RNF144A: variants seen among roughly 807,000 people sequenced by gnomAD.
The protein encoded by RNF144A is ring finger protein 144A, also known as E3 ubiquitin-protein ligase RNF144A.
RNF144A carries 11 observed loss-of-function variants against 38.7 expected under a neutral mutation model. The ratio of observed to expected loss-of-function variants is 0.28; its 90% CI spans 0.18 to 0.47. The LOEUF (loss-of-function observed/expected upper bound fraction) is 0.47, where lower values mean the gene tolerates loss of function less well. RNF144A is among the 20% of genes least tolerant of loss of function. The pLI is 0.99. For synonymous variants in RNF144A, 149 were observed against 143.9 expected, an observed-to-expected ratio of 1.04 and a Z score of -0.25; for missense variants, 316 against 377.2, an observed-to-expected ratio of 0.84 and a Z score of 1.34.
At chr2:7,056,464 A>G (rs1013240529) in intron 6 of RNF144A, among the ~76,000 whole-genome samples, 2 of 152,044 alleles carry the variant, frequency 1.3e-5, no homozygotes, top group African/African-American at 4.8e-5. Flanking sequence ...CCCCAAATTC[A>G]TATGTCAATG....
At chr2:6,924,333 A>G (rs1664729378) in intron 1 of RNF144A, among the ~76,000 whole-genome samples, 1 of 152,274 alleles carries the variant, frequency 6.6e-6, no homozygotes, top group Non-Finnish European at 1.5e-5. Flanking sequence ...ATGCACGGGA[A>G]GCATAGGACG....
At chr2:7,032,871 C>T (rs181934536) in intron 8 of RNF144A, among the ~76,000 whole-genome samples, 732 of 152,358 alleles carry the variant, frequency 4.8e-3, no homozygotes, top group Non-Finnish European at 7.6e-3. Flanking sequence ...CCCCTCCCCA[C>T]GCAGCATAGA....
At chr2:7,027,631 G>T (rs1281268395) in intron 7 of RNF144A, among the ~76,000 whole-genome samples, 3 of 152,218 alleles carry the variant, frequency 2.0e-5, no homozygotes, top group Non-Finnish European at 4.4e-5. Context: ...TGGGGCATTG[G>T]CTCTTTCACC....
intron 2 of RNF144A, among the ~76,000 whole-genome samples, chr2:6,971,991 C>T (rs1304062719): frequency 6.6e-6 from 1 of 152,072 alleles, no homozygotes; most frequent in African/African-American, 2.4e-5. Flanking sequence ...AATGGAGATC[C>T]TTGGAAGGGG....
Position 6,919,970 on chromosome 2 carries a change from G to A in RNF144A, c.-212+2348G>A, listed in dbSNP as rs964573122. 5.3e-5 allele frequency among the ~76,000 whole-genome samples: 8 copies of A among 152,284 alleles called. 1 individual carries two copies. Among genetic ancestry groups the A allele is most frequent in the Middle Eastern group, 3.4e-3 (1 of 294 alleles). ...TCCAGTGCCCTCAGCTTGCTAGTTGGTAATCCCTGTATCCAGACTGTTGCT... is the reference window on the plus strand; with the variant it reads ...TCCAGTGCCCTCAGCTTGCTAGTTGATAATCCCTGTATCCAGACTGTTGCT... On this transcript the variant is annotated intron_variant, in intron 1 of 8. Coordinates refer to ENST00000320892, the MANE Select transcript of RNF144A (RefSeq NM_014746.6).
chr2:7,032,345 G>GGAATCCGCGCCCCTTGCAGCTCTGCTC (rs1256493676), intron 8 of RNF144A, among the ~76,000 whole-genome samples: 34,467 of 135,178 alleles, frequency 0.25, 4,967 homozygotes, highest in East Asian at 0.49. Context: ...CAGCTCTGCT[G>GGAATCCGCGCCCCTTGCAGCTCTGCTC]GAATCCGCGC....
intron 3 of RNF144A, among the ~76,000 whole-genome samples, chr2:7,009,371 G>T (rs917482127): frequency 5.9e-5 from 9 of 152,268 alleles, no homozygotes; most frequent in African/African-American, 2.2e-4. Context: ...GGAGCAGCAC[G>T]CCGATCATGA....
At chr2:6,963,472 TA>T (rs1667469351) in intron 2 of RNF144A, among the ~76,000 whole-genome samples, 1 of 152,184 alleles carries the variant, frequency 6.6e-6, no homozygotes, top group Admixed American at 6.5e-5. Context: ...TTTTCTAAGT[TA>T]AACCACCTTT....
rs180719351 is a variant in RNF144A, at chr2:6,920,804, G to T, written c.-212+3182G>T. Among the ~76,000 whole-genome samples, 39 of 152,326 alleles carry T rather than the reference G, an allele frequency of 2.6e-4. 2 individuals are homozygous for T. The highest frequency in any genetic ancestry group is 2.4e-3 in the Admixed American group (37 of 15,302). On this transcript the variant is annotated intron_variant, in intron 1 of 8. Coordinates refer to ENST00000320892, the MANE Select transcript of RNF144A (RefSeq NM_014746.6). ...GAATACCCTTTCTTAGTTAGATGAA[G>T]AAATTAAATTGAAGCCACTGCTCAC... is the stretch of plus-strand genomic sequence containing the variant.
intron 6 of RNF144A, among the ~76,000 whole-genome samples, chr2:7,051,484 G>A (rs1230485734): frequency 6.6e-6 from 1 of 152,218 alleles, no homozygotes; most frequent in Non-Finnish European, 1.5e-5. Flanking sequence ...GAGCTTGGAT[G>A]CAGAGGATGA....
At chr2:7,037,541 C>T (rs568802300) in intron 8 of RNF144A, among the ~76,000 whole-genome samples, 4 of 152,336 alleles carry the variant, frequency 2.6e-5, no homozygotes, top group Admixed American at 6.5e-5. Context: ...GTAGTTCCAC[C>T]GTTGATATGT....
chr2:6,954,172 T>C (rs1486804255), intron 2 of RNF144A, among the ~76,000 whole-genome samples: 2 of 152,178 alleles, frequency 1.3e-5, no homozygotes, highest in African/African-American at 4.8e-5. Context: ...TTAATCCATT[T>C]ATTTTTTATG....
the RNF144A span, among the ~76,000 whole-genome samples, chr2:7,073,603 C>T: frequency 9.2e-5 from 14 of 152,256 alleles, no homozygotes; most frequent in African/African-American, 3.1e-4. Flanking sequence ...TGGAGGAACC[C>T]GATGCCTGGC....
At chr2:7,062,497 T>TAAAAAAAAAAA (rs70942688) in intron 6 of RNF144A, among the ~76,000 whole-genome samples, 6 of 113,440 alleles carry the variant, frequency 5.3e-5, no homozygotes, top group East Asian at 4.8e-4. Flanking sequence ...TGCTGGGTGC[T>TAAAAAAAAAAA]AAAAAAAAAA....
intron 2 of RNF144A, among the ~76,000 whole-genome samples, chr2:6,957,587 G>T (rs909861185): frequency 6.6e-6 from 1 of 152,074 alleles, no homozygotes; most frequent in Non-Finnish European, 1.5e-5. Context: ...TACCCCGCAT[G>T]GTTTATCTCT....
downstream of RNF144A, among the ~76,000 whole-genome samples, chr2:7,045,715 A>G (rs1038398727): frequency 1.3e-5 from 2 of 152,178 alleles, no homozygotes; most frequent in Admixed American, 6.5e-5. Flanking sequence ...ACTCACCTCC[A>G]TAGGAGGGAG....
At chr2:7,007,197 A>G (rs956534876) in intron 3 of RNF144A, among the ~76,000 whole-genome samples, 16 of 152,150 alleles carry the variant, frequency 1.1e-4, no homozygotes, top group Non-Finnish European at 2.4e-4. Flanking sequence ...ACCCTGCCCC[A>G]ATGTCAGCAG....
At chr2:7,001,198 G>A (rs1670079579) in intron 3 of RNF144A, among the ~76,000 whole-genome samples, 1 of 151,996 alleles carries the variant, frequency 6.6e-6, no homozygotes, top group Non-Finnish European at 1.5e-5. Flanking sequence ...TACTCAGGAG[G>A]CTGAGGCAGG....
chr2:6,935,954 C>T (rs545736005), intron 1 of RNF144A, among the ~76,000 whole-genome samples: 22 of 152,354 alleles, frequency 1.4e-4, no homozygotes, highest in African/African-American at 5.3e-4. Context: ...TCATTCCCTG[C>T]CTCCCTTCCT....
Sources: gnomAD v4.1 joint callset for allele counts (sites outside exome capture counted in the v4.1 genomes callset) on GRCh38, gnomAD v4.1.1 for gene constraint, MANE v1.5 for transcripts, NCBI Gene and HGNC (gene_info 2026-07-23, HGNC 2026-07-21) for gene names.